The following FGFRL1 variants were observed in gnomAD, a reference collection of about 807,000 sequenced individuals.
FGFRL1 encodes fibroblast growth factor receptor-like 1.
FGFRL1 carries 24 observed loss-of-function variants against 36.8 expected under a neutral mutation model. That is an observed-to-expected ratio of 0.65 (90% CI 0.47 to 0.92). The LOEUF is 0.92. Ranked by LOEUF, FGFRL1 falls within the 40% of genes least tolerant of loss-of-function variation. The pLI, the probability that FGFRL1 is intolerant of heterozygous loss-of-function variation, is 0.00. For synonymous variants in FGFRL1, 422 were observed against 344.1 expected, an observed-to-expected ratio of 1.23 and a Z score of -2.50; for missense variants, 785 against 753.4, an observed-to-expected ratio of 1.04 and a Z score of -0.49.
upstream of FGFRL1, chr4:1,010,780 G>T (rs1045044055): frequency 1.3e-5 from 2 of 152,180 alleles, no homozygotes; most frequent in African/African-American, 4.8e-5. Context: ...GCGTGTGGAG[G>T]AAGAGCCGCG....
intron 2 of FGFRL1, among the ~76,000 whole-genome samples, chr4:1,013,181 G>C (rs1211063058): frequency 1.3e-5 from 2 of 152,226 alleles, no homozygotes; most frequent in Non-Finnish European, 2.9e-5. Flanking sequence ...GTGCTGGCCT[G>C]GTACGTGCTC....
At chr4:1,016,082 G>A (rs1254523591) in intron 2 of FGFRL1, among the ~76,000 whole-genome samples, 1 of 152,232 alleles carries the variant, frequency 6.6e-6, no homozygotes, top group Non-Finnish European at 1.5e-5. Context: ...ATGTGAGTGG[G>A]AGCAAGGGCC....
At chr4:1,022,158 AC>A in intron 2 of FGFRL1, 44 bp from the exon 3 acceptor site, 2 of 1,447,934 alleles carry the variant, frequency 1.4e-6, no homozygotes, top group Non-Finnish European at 1.8e-6. Context: ...CCGGCTCCGG[AC>A]CCCAAGCCCC....
chr4:1,016,489 G>A (rs533488089), intron 2 of FGFRL1, among the ~76,000 whole-genome samples: 32 of 152,292 alleles, frequency 2.1e-4, no homozygotes, highest in Middle Eastern at 3.4e-3. Flanking sequence ...TCTGGTGCCC[G>A]CTGTGTGCCC....
intron 2 of FGFRL1, among the ~76,000 whole-genome samples, chr4:1,018,034 G>A (rs957278951): frequency 2.6e-5 from 4 of 152,330 alleles, no homozygotes; most frequent in Admixed American, 1.3e-4. Flanking sequence ...TGGAGCCCCC[G>A]AGGAGCTACG....
chr4:1,010,338 C>A (rs569646547), upstream of FGFRL1, among the ~76,000 whole-genome samples: 1 of 152,382 alleles, frequency 6.6e-6, no homozygotes, highest in African/African-American at 2.4e-5. Context: ...TCCATCCGCC[C>A]TCGCGACGCC....
In FGFRL1 at chr4:1,024,991, G is replaced by T. The variant is rs202037959; in HGVS notation, c.1159G>T (p.Ala387Ser). The change falls in exon 7 of 7, where the codon GCT becomes TCT. Residue 387 changes from alanine to serine, a missense_variant. Coordinates refer to ENST00000510644, the MANE Select transcript of FGFRL1 (RefSeq NM_001004356.3). ...WPVVIGIPAG[A>S]VFILGTLLLW... ...CGTGGTCATCGGCATCCCAGCCGGC[G>T]CTGTCTTCATCCTGGGCACCCTGCT... 6.2e-7 allele frequency: 1 copy of T among 1,610,324 alleles called. No individual in the cohort carries two copies. Among genetic ancestry groups the T allele is most frequent in the Non-Finnish European group, 8.5e-7 (1 of 1,179,646 alleles).
In FGFRL1 at chr4:1,024,501, T is replaced by C. The variant is rs1321690541; in HGVS notation, c.909T>C (p.Phe303=). The change falls in exon 6 of 7, where the codon TTT becomes TTC. Residue 303 remains phenylalanine (F), a synonymous_variant. Transcript: ENST00000510644. ...CCATCGATGTGGGCGGCCAGAAGTT[T>C]GTGGTGCTGCCCACGGGTGACGTGT... is the stretch of plus-strand genomic sequence containing the variant. ...NSTIDVGGQK[F]VVLPTGDVWS... is the part of the protein sequence containing the mutation. 3 of 1,612,362 alleles carry C rather than the reference T, an allele frequency of 1.9e-6. No individual in the cohort carries two copies. The highest frequency in any genetic ancestry group is 1.7e-5 in the Admixed American group (1 of 59,994).
chr4:1,011,467 T>C (rs1257167301), upstream of FGFRL1, among the ~76,000 whole-genome samples: 2 of 139,082 alleles, frequency 1.4e-5, no homozygotes, highest in Non-Finnish European at 3.1e-5. Context: ...ACCGCGAGGG[T>C]TAAGGCCGGG....
At position 1,026,667 on chromosome 4, in the gene FGFRL1, TTAA is replaced by T. The variant is rs1443250623; in HGVS notation, c.*1325_*1327del. On this transcript the variant is annotated 3_prime_UTR_variant, in exon 7 of 7. Transcript: ENST00000510644. ...TTATATTTAAGAAATGAAGATAATA[TTAA>T]TAATGATGGAAGGAAGACTGGGTTG... 2.6e-5 allele frequency: 8 copies of T among 312,232 alleles called. No homozygotes were observed. Among genetic ancestry groups the T allele is most frequent in the East Asian group, 1.0e-4 (1 of 9,966 alleles). The allele number at this position is 312,232 out of a possible 1,614,324, so 19.3% of individuals were successfully genotyped here.
In FGFRL1 at chr4:1,022,455, A is replaced by G; in HGVS notation, c.332A>G (p.Asn111Ser). 2 of 1,607,294 alleles carry G rather than the reference A, an allele frequency of 1.2e-6. No individual in the cohort carries two copies. Among genetic ancestry groups the G allele is most frequent in the Non-Finnish European group, 8.5e-7 (1 of 1,176,670 alleles). Residue 111 changes from asparagine to serine, a missense_variant, in exon 3 of 7, where the codon AAC becomes AGC. By Grantham distance (46) the Asn-to-Ser change is conservative. Coordinates refer to ENST00000510644, the MANE Select transcript of FGFRL1 (RefSeq NM_001004356.3). The part of the protein sequence containing the change: ...ATNGFGSLSV[N>S]YTLVVLDDIS... ...AACGGCTTCGGCAGCCTGAGCGTCA[A>G]CTACACCCTCGTCGTGCTGGGTTAG...
chr4:1,024,860 G>A (rs1357278431), intron 6 of FGFRL1, 45 bp from the exon 7 acceptor site: 14 of 1,537,560 alleles, frequency 9.1e-6, no homozygotes, highest in Non-Finnish European at 1.2e-5. Context: ...CCTGGTCTTT[G>A]TGTCGGCGTT....
intron 2 of FGFRL1, among the ~76,000 whole-genome samples, chr4:1,013,344 T>C (rs1715710570): frequency 6.6e-6 from 1 of 152,242 alleles, no homozygotes; most frequent in Non-Finnish European, 1.5e-5. Flanking sequence ...AGGCGGGACC[T>C]GTGGCCAGGC....
rs1368156969 is a variant in FGFRL1 at position 1,022,404 on chromosome 4, C to T, written c.281C>T (p.Ala94Val). The change falls in exon 3 of 7, where the codon GCC (alanine) becomes GTC (valine). Residue 94 changes from alanine (A) to valine (V), a missense_variant. Ala to Val is a moderately conservative substitution (Grantham distance 64). Coordinates refer to ENST00000510644, the MANE Select transcript of FGFRL1 (RefSeq NM_001004356.3). ...GTGAAGCAGGTGGAGCGGGAGGATG[C>T]CGGCGTGTACGTGTGCAAGGCCACC... ...LKVKQVERED[A>V]GVYVCKATNG... 3.7e-6 allele frequency: 6 copies of T among 1,611,378 alleles called. No individual in the cohort carries two copies. In the African/African-American group the frequency reaches 8.0e-5, roughly 22 times the overall value.
Position 1,012,469 on chromosome 4 carries a change from G to A in FGFRL1, c.-16-1G>A, listed in dbSNP as rs1397226589. The A allele has an allele frequency of 2.5e-6, 4 of 1,576,916 alleles. No individual in the cohort carries two copies. The Admixed American group carries it at 5.2e-5, about 21-fold the overall frequency. Reference sequence around the variant, plus strand: ...AGTGACGGCGCCCCCAATGTCCCCAGGTCCGGACAGGCCGAGATGACGCCG... The same window carrying A: ...AGTGACGGCGCCCCCAATGTCCCCAAGTCCGGACAGGCCGAGATGACGCCG... On this transcript the variant is annotated splice_acceptor_variant, in intron 1 of 6. Coordinates refer to ENST00000510644, the MANE Select transcript of FGFRL1 (RefSeq NM_001004356.3). LOFTEE classifies it low-confidence loss of function (5UTR_SPLICE).
intron 2 of FGFRL1, among the ~76,000 whole-genome samples, chr4:1,020,419 G>A (rs1280744903): frequency 1.3e-5 from 2 of 151,930 alleles, no homozygotes; most frequent in African/African-American, 4.8e-5. Context: ...GGGGAGTGGG[G>A]CACGCAGGGC....
intron 2 of FGFRL1, among the ~76,000 whole-genome samples, chr4:1,021,509 G>C (rs1490006045): frequency 6.6e-6 from 1 of 152,122 alleles, no homozygotes; most frequent in Non-Finnish European, 1.5e-5. Context: ...TACGGCCCTT[G>C]GGGGTGGGCA....
chr4:1,020,528 G>T (rs933474816), intron 2 of FGFRL1, among the ~76,000 whole-genome samples: 3 of 151,116 alleles, frequency 2.0e-5, no homozygotes, highest in Admixed American at 2.0e-4. Flanking sequence ...CTTCCTGGCC[G>T]GCTTGGCACT....
chr4:1,024,218 G>GTGGTGGGCTGGGGGTGC, intron 5 of FGFRL1, 93 bp from the exon 6 acceptor site: 1 of 1,354,994 alleles, frequency 7.4e-7, no homozygotes. Context: ...GGGCTTGGGG[G>GTGGTGGGCTGGGGGTGC]TGGTGGGCTG....
Sources: allele counts gnomAD v4.1 joint callset (sites outside exome capture counted in the v4.1 genomes callset), GRCh38; gene constraint gnomAD v4.1.1; transcripts MANE v1.5; gene names NCBI Gene and HGNC (gene_info 2026-07-23, HGNC 2026-07-21).